UBE2F: variants seen among roughly 807,000 people sequenced by gnomAD.
UBE2F encodes the protein ubiquitin conjugating enzyme E2 F (putative).
In UBE2F, 5 loss-of-function variants were observed where a neutral mutation model predicts 29.6. The observed-to-expected ratio is 0.17, with a 90% CI of 0.09 to 0.36. The LOEUF (loss-of-function observed/expected upper bound fraction) is 0.36. UBE2F is among the 10% of genes least tolerant of loss of function. The pLI is 1.00. For missense variants in UBE2F, 141 were observed against 228.5 expected, an observed-to-expected ratio of 0.62 and a Z score of 2.47; for synonymous variants, 66 against 81.8, an observed-to-expected ratio of 0.81 and a Z score of 1.04.
At chr2:237,978,279 A>T (rs971251660) in intron 2 of UBE2F, among the ~76,000 whole-genome samples, 19 of 152,218 alleles carry the variant, frequency 1.2e-4, no homozygotes, top group Non-Finnish European at 2.2e-4. Flanking sequence ...GTGCTGCTGC[A>T]TCACAGCGCC....
chr2:237,977,981 G>T (rs527864689), intron 2 of UBE2F, among the ~76,000 whole-genome samples: 9 of 152,210 alleles, frequency 5.9e-5, no homozygotes, highest in Non-Finnish European at 7.4e-5. Context: ...TACCTGTGGG[G>T]TAGGCGAGGG....
At chr2:238,011,490 C>G (rs72977041) in intron 4 of UBE2F, among the ~76,000 whole-genome samples, 2 of 152,120 alleles carry the variant, frequency 1.3e-5, no homozygotes, top group Non-Finnish European at 2.9e-5. Context: ...TTCATAAGGG[C>G]GGGAATTATC....
intron 2 of UBE2F, among the ~76,000 whole-genome samples, chr2:237,976,046 G>A (rs2063276433): frequency 6.6e-6 from 1 of 152,180 alleles, no homozygotes; most frequent in Non-Finnish European, 1.5e-5. Flanking sequence ...TCACATTTTG[G>A]CCTTACCTAC....
intron 4 of UBE2F, among the ~76,000 whole-genome samples, chr2:237,999,875 A>G (rs763506695): frequency 6.2e-4 from 87 of 141,240 alleles, no homozygotes; most frequent in Non-Finnish European, 1.2e-3. Context: ...CCTAGGCTGG[A>G]GTGCAGTGGC....
intron 2 of UBE2F, among the ~76,000 whole-genome samples, chr2:237,974,625 C>T (rs1288547521): frequency 1.3e-5 from 2 of 150,856 alleles, no homozygotes; most frequent in South Asian, 2.1e-4. Flanking sequence ...GTGATTCTCC[C>T]GCCTCAGCCT....
At chr2:237,988,108 A>C (rs2063518330) in intron 3 of UBE2F, 116 bp downstream of exon 3, 2 of 619,456 alleles carry the variant, frequency 3.2e-6, no homozygotes, top group East Asian at 6.1e-5. Context: ...GTTAGGAATG[A>C]ATTTTAATTT....
intron 5 of UBE2F, among the ~76,000 whole-genome samples, chr2:238,022,254 C>T (rs902316912): frequency 1.3e-5 from 2 of 151,602 alleles, no homozygotes; most frequent in Non-Finnish European, 2.9e-5. Flanking sequence ...ACTGTAACCT[C>T]CACCTCCTGG....
Position 237,976,950 on chromosome 2 carries a change from G to C in UBE2F, c.118+3725G>C, listed in dbSNP as rs540691599. ...CATACTGGGGTAGGACAGGCTCTGT[G>C]GGGGCAGATGCGACAAGCAGAAACC... On this transcript the variant is annotated intron_variant, in intron 2 of 9. Coordinates refer to ENST00000272930, the MANE Select transcript of UBE2F (RefSeq NM_080678.3). Among the ~76,000 whole-genome samples the C allele has an allele frequency of 2.5e-4, 38 of 152,204 alleles. 1 individual carries two copies. In the South Asian group the frequency reaches 7.7e-3, roughly 31 times the overall value.
chr2:238,011,785 A>G (rs553943919), intron 4 of UBE2F, among the ~76,000 whole-genome samples: 3 of 152,360 alleles, frequency 2.0e-5, no homozygotes, highest in South Asian at 4.1e-4. Context: ...GCTTGTTCAC[A>G]TAAATAAGTA....
chr2:238,035,497 A>G (rs185556391), intron 8 of UBE2F: 106 of 194,712 alleles, frequency 5.4e-4, no homozygotes, highest in African/African-American at 2.3e-3. Flanking sequence ...AAAACAAAAG[A>G]AAAAGTGAAT....
chr2:238,012,517 T>G (rs1394588202), intron 4 of UBE2F, among the ~76,000 whole-genome samples: 1 of 152,202 alleles, frequency 6.6e-6, no homozygotes, highest in African/African-American at 2.4e-5. Context: ...TGTATACCAA[T>G]GTAGTATTTT....
At chr2:238,019,328 C>T (rs911929817) in intron 5 of UBE2F, among the ~76,000 whole-genome samples, 4 of 152,218 alleles carry the variant, frequency 2.6e-5, no homozygotes, top group African/African-American at 9.6e-5. Context: ...TGTTCCTACC[C>T]TGCTTCTGTA....
rs2063498235 is a variant in UBE2F, at chr2:237,987,303, T to C, written c.119-660T>C. 2.0e-5 allele frequency among the ~76,000 whole-genome samples: 3 copies of C among 152,188 alleles called. No individual in the cohort carries two copies. In the South Asian group the frequency reaches 6.2e-4, roughly 31 times the overall value. ...TTAGGGCTTTCTGCATATAGGATCT[T>C]GTCACCTGAAACTGGGATAATTTTA... On this transcript the variant is annotated intron_variant, in intron 2 of 9. Transcript: ENST00000272930.
At chr2:237,996,767 C>T (rs562934334) in intron 4 of UBE2F, among the ~76,000 whole-genome samples, 3 of 152,136 alleles carry the variant, frequency 2.0e-5, no homozygotes, top group Admixed American at 6.6e-5. Context: ...TGAGCCACTG[C>T]GCCCAGCCCC....
At chr2:238,022,124 G>C (rs1325949673) in intron 5 of UBE2F, among the ~76,000 whole-genome samples, 1 of 151,558 alleles carries the variant, frequency 6.6e-6, no homozygotes, top group African/African-American at 2.4e-5. Context: ...GGGAGGAAAT[G>C]GTATCTCGTT....
intron 4 of UBE2F, among the ~76,000 whole-genome samples, chr2:238,007,815 C>G (rs2063938738): frequency 6.6e-6 from 1 of 152,072 alleles, no homozygotes; most frequent in Non-Finnish European, 1.5e-5. Context: ...CAAATCCTTA[C>G]CTGTCTGTGA....
intron 6 of UBE2F, 134 bp downstream of exon 6, chr2:238,025,546 G>A (rs2064407349): frequency 2.5e-6 from 2 of 790,232 alleles, no homozygotes; most frequent in Admixed American, 4.3e-5. Flanking sequence ...CTCAGCTGAA[G>A]TAGCTGCGGT....
chr2:237,995,646 G>A (rs910925425), intron 4 of UBE2F, among the ~76,000 whole-genome samples: 21 of 152,194 alleles, frequency 1.4e-4, no homozygotes. Flanking sequence ...GATTTTGGTA[G>A]GTGGCAATGA....
chr2:237,992,879 C>G (rs1377355482), intron 3 of UBE2F, among the ~76,000 whole-genome samples: 1 of 151,850 alleles, frequency 6.6e-6, no homozygotes, highest in Non-Finnish European at 1.5e-5. Flanking sequence ...TTTGGTGGAA[C>G]TTGTAAGAAA....
Sources: gnomAD v4.1 joint callset for allele counts (sites outside exome capture counted in the v4.1 genomes callset) on GRCh38, gnomAD v4.1.1 for gene constraint, MANE v1.5 for transcripts, NCBI Gene and HGNC (gene_info 2026-07-23, HGNC 2026-07-21) for gene names.